Variants in CREB5 observed in about 807,000 individuals in gnomAD.
CREB5 encodes the protein cAMP responsive element binding protein 5, also known as cyclic AMP-responsive element-binding protein 5.
In CREB5, 19 loss-of-function variants were observed where a neutral mutation model predicts 57.1. The observed-to-expected ratio is 0.33, with a 90% CI of 0.23 to 0.49. The LOEUF (loss-of-function observed/expected upper bound fraction) is 0.49, where lower values mean the gene tolerates loss of function less well. Ranked by LOEUF, CREB5 falls within the 20% of genes least tolerant of loss-of-function variation. The pLI, the probability that CREB5 is intolerant of heterozygous loss-of-function variation, is 0.99. For missense variants in CREB5, 579 were observed against 671.6 expected (o/e 0.86, Z 1.52); for synonymous variants, 238 against 238.3 (o/e 1.00, Z 0.01).
chr7:28,596,884 G>A (rs1007410202), intron 5 of CREB5, among the ~76,000 whole-genome samples: 3 of 152,116 alleles, frequency 2.0e-5, no homozygotes, highest in Non-Finnish European at 4.4e-5. Flanking sequence ...TCAATAGTGG[G>A]AAGGATCCCA....
At chr7:28,754,545 C>T (rs1805179549) in intron 7 of CREB5, among the ~76,000 whole-genome samples, 2 of 152,178 alleles carry the variant, frequency 1.3e-5, no homozygotes, top group African/African-American at 2.4e-5. Flanking sequence ...TGGTGTGCTT[C>T]CCTCCCAAGC....
chr7:28,332,549 A>ATG lies in CREB5; in HGVS notation c.-25+33109_-25+33110insGT, dbSNP rs1330439721. ...TCCCCTGCTACATACACTTGGAAGT[A>ATG]TTTGAAGATTACAACCCTGTACACC... On this transcript the variant is annotated intron_variant, in intron 1 of 9. Transcript: ENST00000396299. Among the ~76,000 whole-genome samples the ATG allele has an allele frequency of 3.0e-4, 45 of 152,302 alleles. 1 individual carries two copies. The highest frequency in any genetic ancestry group is 9.9e-4 in the African/African-American group (41 of 41,564).
At chr7:28,790,415 GAAGA>G (rs1422188118) in intron 7 of CREB5, among the ~76,000 whole-genome samples, 304 of 123,278 alleles carry the variant, frequency 2.5e-3, no homozygotes, top group Non-Finnish European at 3.4e-3. Context: ...CATTTTAGCA[GAAGA>G]AAGAAAGAAA....
intron 5 of CREB5, among the ~76,000 whole-genome samples, chr7:28,612,543 G>GT (rs1797431130): frequency 3.6e-5 from 5 of 137,298 alleles, no homozygotes; most frequent in Middle Eastern, 3.5e-3. Flanking sequence ...TTAGAGAAGG[G>GT]GTGTGTGTGT....
intron 1 of CREB5, among the ~76,000 whole-genome samples, chr7:28,367,966 C>T (rs996404080): frequency 1.3e-5 from 2 of 152,222 alleles, no homozygotes; most frequent in African/African-American, 4.8e-5. Context: ...ATGCTTCCTA[C>T]TGACCTCCCT....
intron 1 of CREB5, among the ~76,000 whole-genome samples, chr7:28,431,215 G>C (rs909576440): frequency 6.6e-6 from 1 of 152,158 alleles, no homozygotes; most frequent in Non-Finnish European, 1.5e-5. Flanking sequence ...ACATCATTGG[G>C]TTTAGCCAGT....
intron 1 of CREB5, among the ~76,000 whole-genome samples, chr7:28,430,418 T>C (rs1215580773): frequency 1.3e-5 from 2 of 152,180 alleles, no homozygotes; most frequent in Non-Finnish European, 2.9e-5. Flanking sequence ...TCTTCTTCTG[T>C]AAGATGGGCA....
At chr7:28,743,264 G>T (rs2128758435) in intron 7 of CREB5, among the ~76,000 whole-genome samples, 1 of 152,308 alleles carries the variant, frequency 6.6e-6, no homozygotes, top group African/African-American at 2.4e-5. Context: ...CGACTGCAGT[G>T]GCTCACGCCT....
intron 7 of CREB5, among the ~76,000 whole-genome samples, chr7:28,730,282 C>G (rs1280902394): frequency 2.0e-5 from 3 of 152,002 alleles, no homozygotes; most frequent in Admixed American, 1.3e-4. Flanking sequence ...CTTGCAGGCT[C>G]AAGTAATCCT....
chr7:28,330,390 A>T (rs1785690826), intron 1 of CREB5, among the ~76,000 whole-genome samples: 1 of 148,038 alleles, frequency 6.8e-6, no homozygotes. Flanking sequence ...GCTTGTGCTA[A>T]GAGAACCTTA....
intron 4 of CREB5, among the ~76,000 whole-genome samples, chr7:28,532,122 G>T (rs1313371118): frequency 6.6e-6 from 1 of 152,188 alleles, no homozygotes; most frequent in Admixed American, 6.5e-5. Flanking sequence ...GTTCTGTAGG[G>T]GTTGGGGAAG....
At chr7:28,551,491 C>T (rs548777313) in intron 4 of CREB5, among the ~76,000 whole-genome samples, 2 of 152,164 alleles carry the variant, frequency 1.3e-5, no homozygotes, top group Admixed American at 6.5e-5. Context: ...GGTGACTAAC[C>T]CTTTTTGTGT....
rs998954706 is a variant in CREB5 at position 28,474,561 on chromosome 7, G to T, written c.4-13614G>T. ...ATTTTTGTGTGTGTTTGTGTGAGTG[G>T]TTTTTTCTGTTTCTTTGGAAACAGT... On this transcript the variant is annotated intron_variant, in intron 1 of 10. Coordinates refer to ENST00000357727, the MANE Select transcript of CREB5 (RefSeq NM_182898.4). Among the ~76,000 whole-genome samples the T allele has an allele frequency of 3.3e-5, 5 of 152,178 alleles. No individual in the cohort carries two copies. In the South Asian group the frequency reaches 8.3e-4, roughly 25 times the overall value.
chr7:28,410,453 A>T, upstream of CREB5: 1 of 456,692 alleles, frequency 2.2e-6, no homozygotes, highest in East Asian at 7.0e-5. Context: ...GAGGGGCAAG[A>T]TGCGAAGGAA....
intron 1 of CREB5, among the ~76,000 whole-genome samples, chr7:28,476,564 A>G (rs1791076153): frequency 6.6e-6 from 1 of 152,230 alleles, no homozygotes; most frequent in South Asian, 2.1e-4. Flanking sequence ...TAACTTGCCT[A>G]AGATCCCACA....
intron 3 of CREB5, among the ~76,000 whole-genome samples, chr7:28,503,602 C>T (rs1376878922): frequency 6.6e-6 from 1 of 152,046 alleles, no homozygotes; most frequent in Non-Finnish European, 1.5e-5. Context: ...TCTCAGACTC[C>T]TGAACTCTGA....
At chr7:28,336,388 G>C (rs952995101) in intron 1 of CREB5, among the ~76,000 whole-genome samples, 2 of 151,946 alleles carry the variant, frequency 1.3e-5, no homozygotes, top group Non-Finnish European at 2.9e-5. Context: ...TTATTGGGCT[G>C]CTCAGGTTTT....
intron 1 of CREB5, among the ~76,000 whole-genome samples, chr7:28,311,710 A>G (rs1387504171): frequency 6.6e-6 from 1 of 152,238 alleles, no homozygotes; most frequent in African/African-American, 2.4e-5. Context: ...TGGCTCTGCC[A>G]TGCCTGGCCG....
chr7:28,364,191 G>A (rs929838844), intron 1 of CREB5, among the ~76,000 whole-genome samples: 7 of 152,214 alleles, frequency 4.6e-5, no homozygotes, highest in Non-Finnish European at 1.0e-4. Flanking sequence ...ACTTTTTGCC[G>A]GAAATCTTCA....
Sources: gnomAD v4.1 joint callset for allele counts (sites outside exome capture counted in the v4.1 genomes callset) on GRCh38, gnomAD v4.1.1 for gene constraint, MANE v1.5 for transcripts, NCBI Gene and HGNC (gene_info 2026-07-23, HGNC 2026-07-21) for gene names.